PDE1C: variants seen among roughly 807,000 people sequenced by gnomAD.
PDE1C encodes the protein dual specificity calcium/calmodulin-dependent 3',5'-cyclic nucleotide phosphodiesterase 1C.
In PDE1C, 62 loss-of-function variants were observed where a neutral mutation model predicts 93.1. The ratio of observed to expected loss-of-function variants is 0.67; its 90% CI spans 0.54 to 0.82. The LOEUF (loss-of-function observed/expected upper bound fraction) is 0.82, where lower values mean the gene tolerates loss of function less well. PDE1C is among the 40% of genes least tolerant of loss of function. The probability of loss-of-function intolerance (pLI) is 0.00; values close to 1 mark genes in which losing one functional copy is unlikely to be tolerated. For synonymous variants in PDE1C, 325 were observed against 310.1 expected (o/e 1.05, Z -0.50); for missense variants, 742 against 884.6 (o/e 0.84, Z 2.04).
chr7:32,343,682 T>C lies in PDE1C; in HGVS notation c.310+84140A>G, dbSNP rs915786266. On this transcript the variant is annotated intron_variant, in intron 1 of 1. Coordinates refer to the PDE1C transcript ENST00000672256. ...AATCTATTTCTTCATTGTAACATAG[T>C]TCCTCATTTATGGCCTGCTTTGTAA... Among the ~76,000 whole-genome samples the C allele has an allele frequency of 2.6e-5, 4 of 152,236 alleles. No homozygotes were observed. The South Asian group carries it at 8.3e-4, about 32-fold the overall frequency.
intron 2 of PDE1C, among the ~76,000 whole-genome samples, chr7:32,048,371 G>A (rs1285709418): frequency 1.3e-5 from 2 of 152,076 alleles, no homozygotes; most frequent in African/African-American, 4.8e-5. Context: ...GAGACTAGCA[G>A]CTTTTAATTC....
chr7:31,903,028 A>G (rs1554403263), intron 2 of PDE1C, among the ~76,000 whole-genome samples: 1 of 151,796 alleles, frequency 6.6e-6, no homozygotes, highest in Non-Finnish European at 1.5e-5. Context: ...TGCATATTTC[A>G]TTTGAACAAA....
chr7:32,415,862 A>ATCCC (rs890923849), intron 1 of PDE1C, among the ~76,000 whole-genome samples: 1 of 152,204 alleles, frequency 6.6e-6, no homozygotes, highest in African/African-American at 2.4e-5. Context: ...GGTAAATAAA[A>ATCCC]TCCCTGCAAA....
intron 2 of PDE1C, among the ~76,000 whole-genome samples, chr7:31,981,135 A>C (rs1312523120): frequency 6.6e-6 from 1 of 152,180 alleles, no homozygotes; most frequent in African/African-American, 2.4e-5. Flanking sequence ...ACCCATCAAG[A>C]ATATTTAAGT....
chr7:31,956,495 T>C (rs1370024493), intron 2 of PDE1C, among the ~76,000 whole-genome samples: 2 of 151,750 alleles, frequency 1.3e-5, no homozygotes, highest in East Asian at 1.9e-4. Context: ...TTTTGTTTTT[T>C]TTTTTAATGC....
intron 2 of PDE1C, among the ~76,000 whole-genome samples, chr7:31,929,252 T>C (rs941483055): frequency 7.2e-5 from 11 of 152,102 alleles, no homozygotes; most frequent in African/African-American, 2.7e-4. Flanking sequence ...CCTAAATATA[T>C]ATGCACCTAA....
At chr7:32,207,373 C>T (rs893388892) in intron 2 of PDE1C, among the ~76,000 whole-genome samples, 4 of 146,288 alleles carry the variant, frequency 2.7e-5, no homozygotes, top group Non-Finnish European at 6.0e-5. Context: ...AAAAAAAAAA[C>T]TTATCATCCG....
intron 1 of PDE1C, among the ~76,000 whole-genome samples, chr7:32,236,302 A>T (rs1808071683): frequency 6.6e-6 from 1 of 152,186 alleles, no homozygotes; most frequent in Admixed American, 6.5e-5. Flanking sequence ...AGAAAAAAAT[A>T]AACTAGATTG....
intron 9 of PDE1C, among the ~76,000 whole-genome samples, chr7:31,839,790 A>G (rs921734328): frequency 2.0e-5 from 3 of 152,190 alleles, no homozygotes; most frequent in Non-Finnish European, 2.9e-5. Context: ...TAATCCCAAC[A>G]CTTTGGGAGG....
At chr7:31,637,455 T>A in the PDE1C span, among the ~76,000 whole-genome samples, 7 of 152,188 alleles carry the variant, frequency 4.6e-5, no homozygotes, top group African/African-American at 1.7e-4. Context: ...GGTATCTCAT[T>A]GTGGTTTTGA....
chr7:31,941,208 A>T (rs1805796831), intron 2 of PDE1C: 1 of 153,314 alleles, frequency 6.5e-6, no homozygotes, highest in South Asian at 2.1e-4. Flanking sequence ...TGAGCAAAAC[A>T]CCAAAGACAA....
chr7:32,334,112 T>C (rs1783565911), intron 1 of PDE1C, among the ~76,000 whole-genome samples: 1 of 152,036 alleles, frequency 6.6e-6, no homozygotes, highest in South Asian at 2.1e-4. Context: ...AAAAAGAAAA[T>C]CATAAGGATC....
At chr7:32,128,906 A>AAT (rs763801947) in intron 3 of PDE1C, among the ~76,000 whole-genome samples, 884 of 55,562 alleles carry the variant, frequency 0.016, 19 homozygotes, top group Non-Finnish European at 0.019. Flanking sequence ...AAGTATAACA[A>AAT]ATATATATAT....
chr7:31,682,340 A>G, the PDE1C span, among the ~76,000 whole-genome samples: 1 of 152,242 alleles, frequency 6.6e-6, no homozygotes, highest in African/African-American at 2.4e-5. Context: ...TTTGCAGAAG[A>G]GGATATACAG....
upstream of PDE1C, among the ~76,000 whole-genome samples, chr7:32,075,073 C>T (rs187243489): frequency 1.4e-4 from 22 of 152,258 alleles, no homozygotes; most frequent in African/African-American, 5.1e-4. Flanking sequence ...AGGAAGCTGC[C>T]ACAGGAGCAT....
chr7:31,941,096 T>C (rs79490705), intron 2 of PDE1C, among the ~76,000 whole-genome samples: 9,682 of 151,950 alleles, frequency 0.064, 521 homozygotes, highest in African/African-American at 0.15. Context: ...ACCTAAGCTG[T>C]TCACCCAAAG....
intron 1 of PDE1C, among the ~76,000 whole-genome samples, chr7:32,269,253 AG>A (rs1035058614): frequency 1.4e-5 from 2 of 147,134 alleles, no homozygotes; most frequent in Admixed American, 6.7e-5. Flanking sequence ...ATTCTGAGCC[AG>A]GGGGGGTGAG....
intron 2 of PDE1C, among the ~76,000 whole-genome samples, chr7:32,020,412 TA>T (rs1454459997): frequency 6.6e-6 from 1 of 152,018 alleles, no homozygotes; most frequent in African/African-American, 2.4e-5. Flanking sequence ...AAAATTTTTT[TA>T]AGGGAAATTA....
At chr7:31,643,722 T>C in the PDE1C span, 2 of 1,614,022 alleles carry the variant, frequency 1.2e-6, no homozygotes, top group Admixed American at 3.3e-5. Context: ...AATCCGTCTC[T>C]CTAGACTCAG....
Sources: gnomAD v4.1 joint callset for allele counts (sites outside exome capture counted in the v4.1 genomes callset) on GRCh38, gnomAD v4.1.1 for gene constraint, MANE v1.5 for transcripts, NCBI Gene and HGNC (gene_info 2026-07-23, HGNC 2026-07-21) for gene names.